The following NBPF20 variants were observed in gnomAD, a reference collection of about 807,000 sequenced individuals.
The protein encoded by NBPF20 is NBPF family member NBPF20.
Under a neutral mutation model 68.1 loss-of-function variants are expected in NBPF20, and 90 were observed. The observed-to-expected ratio is 1.32, with a 90% CI of 1.11 to 1.58. The LOEUF is 1.58. Among genes scored for constraint, NBPF20 ranks in the 40% most tolerant of loss-of-function variants. The pLI is 0.00. For synonymous variants in NBPF20, 290 were observed against 228.1 expected, an observed-to-expected ratio of 1.27 and a Z score of -2.45; for missense variants, 816 against 601.2, an observed-to-expected ratio of 1.36 and a Z score of -3.74.
chr1:145,291,797 C>T (rs782273029), intron 137 of NBPF20, 28 bp from the exon 143 acceptor site: 4 of 1,611,656 alleles, frequency 2.5e-6, no homozygotes, highest in Non-Finnish European at 3.4e-6. Context: ...ACTAAAGAAG[C>T]AGCCAGGGAA....
At chr1:145,403,824 C>T (rs1190334991) in intron 2 of NBPF20, among the ~76,000 whole-genome samples, 1 of 151,642 alleles carries the variant, frequency 6.6e-6, no homozygotes, top group Non-Finnish European at 1.5e-5. Context: ...AGAATCATAT[C>T]TGAAGCATAA....
chr1:145,311,635 G>A (rs1661482197), intron 112 of NBPF20, 147 bp from the exon 118 acceptor site: 1 of 68,368 alleles, frequency 1.5e-5, no homozygotes, highest in Non-Finnish European at 2.2e-5. Flanking sequence ...AGGCCTGAAG[G>A]CTGATCACGA....
At chr1:145,393,672 G>T (rs1293816162) in intron 9 of NBPF20, 8 of 1,359,454 alleles carry the variant, frequency 5.9e-6, no homozygotes, top group South Asian at 4.1e-5. Flanking sequence ...TTGAGTTATG[G>T]TCAACTTTCA....
chr1:145,407,474 A>G (rs587702206), upstream of NBPF20, among the ~76,000 whole-genome samples: 1 of 145,622 alleles, frequency 6.9e-6, no homozygotes, highest in South Asian at 2.1e-4. Context: ...TATATATAAT[A>G]TATATACAAA....
At chr1:145,425,477 C>A in the NBPF20 span, among the ~76,000 whole-genome samples, 3 of 152,332 alleles carry the variant, frequency 2.0e-5, no homozygotes, top group East Asian at 5.8e-4. Context: ...AAAAGCACCG[C>A]GTTCACTCAG....
At chr1:145,292,669 C>A (rs1290154759) in intron 136 of NBPF20, among the ~76,000 whole-genome samples, 180 bp from the exon 142 acceptor site, 1 of 147,050 alleles carries the variant, frequency 6.8e-6, no homozygotes, top group South Asian at 2.1e-4. Flanking sequence ...GGTTTTTCTC[C>A]CAGAAACTGT....
At chr1:145,290,216 G>A (rs1392234787) in exon 138 of NBPF20, 3 of 148,420 alleles carry the variant, frequency 2.0e-5, no homozygotes, top group African/African-American at 7.8e-5. Context: ...AATGTTTAGA[G>A]GATGATCATT....
chr1:145,405,800 G>C (rs1261306310), upstream of NBPF20: 1 of 312,310 alleles, frequency 3.2e-6, no homozygotes, highest in Admixed American at 4.6e-5. Context: ...TTTATCTCTT[G>C]TCTGTACAAC....
upstream of NBPF20, among the ~76,000 whole-genome samples, chr1:145,406,020 G>A (rs1380353230): frequency 1.0e-4 from 15 of 148,880 alleles, no homozygotes; most frequent in East Asian, 9.8e-4. Flanking sequence ...CCAGGTTCAC[G>A]CTATTCTCCT....
At position 145,390,351 on chromosome 1, in the gene NBPF20, C is replaced by T. The variant is rs1190685562; in HGVS notation, c.1494-235G>A. On this transcript the variant is annotated intron_variant, in intron 13 of 137. Transcript: ENST00000369373. ...ACACACACACACACACACAGACACA[C>T]ACACAGACACACACACACACAGAGA... 1.1e-4 allele frequency among the ~76,000 whole-genome samples: 7 copies of T among 65,396 alleles called. 1 individual carries two copies. Among genetic ancestry groups the T allele is most frequent in the African/African-American group, 7.1e-4 (7 of 9,888 alleles). The allele number at this position is 65,396 out of a possible 152,430, so 42.9% of individuals were successfully genotyped here.
At chr1:145,409,991 G>A (rs1188165514), upstream of NBPF20, among the ~76,000 whole-genome samples, 1 of 151,936 alleles carries the variant, frequency 6.6e-6, no homozygotes, top group Non-Finnish European at 1.5e-5. Context: ...CCGCCCCTCA[G>A]GTTGGTCTGG....
intron 133 of NBPF20, chr1:145,295,194 A>T (rs1661273539): frequency 1.5e-6 from 1 of 660,534 alleles, no homozygotes; most frequent in Non-Finnish European, 2.7e-6. Flanking sequence ...GGAGAAAGTA[A>T]GCTCAGCGAG....
intron 3 of NBPF20, 78 bp downstream of exon 8, chr1:145,403,138 T>A: frequency 6.4e-7 from 1 of 1,557,596 alleles, no homozygotes; most frequent in Non-Finnish European, 8.8e-7. Flanking sequence ...GCTTAGCTCT[T>A]ACGTCTCCCC....
At chr1:145,394,947 A>T in intron 8 of NBPF20, 31 bp downstream of exon 13, 4 of 1,611,914 alleles carry the variant, frequency 2.5e-6, no homozygotes, top group Non-Finnish European at 3.4e-6. Flanking sequence ...CATGAACTGG[A>T]GCTTTATCAC....
At chr1:145,396,616 C>T (rs1185757585) in intron 7 of NBPF20, among the ~76,000 whole-genome samples, 3 of 151,662 alleles carry the variant, frequency 2.0e-5, no homozygotes, top group African/African-American at 7.3e-5. Flanking sequence ...GGTCGGATTA[C>T]CCACAAAGGG....
chr1:145,290,210 T>A (rs1660978375), exon 138 of NBPF20: 1 of 148,134 alleles, frequency 6.8e-6, no homozygotes, highest in African/African-American at 2.6e-5. Context: ...TGATAAAATG[T>A]TTAGAGGATG....
intron 29 of NBPF20, among the ~76,000 whole-genome samples, chr1:145,377,686 C>T (rs1467853147): frequency 3.0e-5 from 4 of 133,964 alleles, no homozygotes; most frequent in African/African-American, 1.1e-4. Flanking sequence ...GCGAGTTGGC[C>T]GGGTGACACA....
chr1:145,407,596 A>C (rs1222451699), upstream of NBPF20, among the ~76,000 whole-genome samples: 20 of 148,076 alleles, frequency 1.4e-4, no homozygotes, highest in Admixed American at 9.5e-4. Context: ...TTATATATAT[A>C]TATTTTTCTT....
At position 145,337,968 on chromosome 1, in the gene NBPF20, A is replaced by G. The variant is rs1571349769; in HGVS notation, c.9546-159T>C. Among the ~76,000 whole-genome samples, 15 of 56,236 alleles carry G rather than the reference A, an allele frequency of 2.7e-4. No individual in the cohort carries two copies. In the East Asian group the frequency reaches 9.3e-3, roughly 35 times the overall value. The allele number at this position is 56,236 out of a possible 152,430, so 36.9% of individuals were successfully genotyped here. On this transcript the variant is annotated intron_variant, in intron 79 of 137. Transcript: ENST00000369373. ...TATTGCCTTCATGTTGGGACAGAAC[A>G]GGGCCAAATGGAAAAGAATGAAAGA...
Sources: allele counts gnomAD v4.1 joint callset (sites outside exome capture counted in the v4.1 genomes callset), GRCh38; gene constraint gnomAD v4.1.1; transcripts MANE v1.5; gene names NCBI Gene and HGNC (gene_info 2026-07-23, HGNC 2026-07-21).